The following KCTD16 variants were observed in gnomAD, a reference collection of about 807,000 sequenced individuals.
KCTD16 encodes the protein BTB/POZ domain-containing protein KCTD16.
Under a neutral mutation model 33.2 loss-of-function variants are expected in KCTD16, and 13 were observed. The observed-to-expected ratio is 0.39, with a 90% CI of 0.25 to 0.62. The LOEUF is 0.62. Among genes scored for constraint, KCTD16 ranks in the 20% least tolerant of loss-of-function variants. The pLI, the probability that KCTD16 is intolerant of heterozygous loss-of-function variation, is 0.50. For missense variants in KCTD16, 441 were observed against 525.1 expected (o/e 0.84, Z 1.57); for synonymous variants, 197 against 195.3 (o/e 1.01, Z -0.07).
intron 3 of KCTD16, among the ~76,000 whole-genome samples, chr5:144,209,146 CAT>C (rs1017278194): frequency 1.4e-4 from 21 of 152,154 alleles, no homozygotes; most frequent in Admixed American, 1.4e-3. Flanking sequence ...TATTTGAAAA[CAT>C]AGCATCGTAA....
intron 2 of KCTD16, among the ~76,000 whole-genome samples, chr5:144,182,270 G>C (rs1034894385): frequency 6.6e-6 from 1 of 152,078 alleles, no homozygotes; most frequent in African/African-American, 2.4e-5. Context: ...CTCTTGCCAG[G>C]TGCCAGCACC....
intron 2 of KCTD16, among the ~76,000 whole-genome samples, chr5:144,186,790 G>T (rs79741289): frequency 6.6e-6 from 1 of 152,308 alleles, no homozygotes; most frequent in East Asian, 1.9e-4. Flanking sequence ...CATTAGCTGT[G>T]TAGCTTTTCT....
At chr5:144,237,391 C>T (rs147869665) in intron 3 of KCTD16, among the ~76,000 whole-genome samples, 1 of 152,038 alleles carries the variant, frequency 6.6e-6, no homozygotes, top group Non-Finnish European at 1.5e-5. Context: ...GGATTTAAAC[C>T]TATGTTTATC....
intron 2 of KCTD16, among the ~76,000 whole-genome samples, chr5:144,176,602 C>A (rs1752513727): frequency 6.6e-6 from 1 of 151,032 alleles, no homozygotes. Context: ...CGGGGTTTCA[C>A]CTTGTTAGCC....
At chr5:144,192,151 T>C (rs1752854715) in intron 2 of KCTD16, among the ~76,000 whole-genome samples, 1 of 152,132 alleles carries the variant, frequency 6.6e-6, no homozygotes, top group South Asian at 2.1e-4. Flanking sequence ...TTGAGGATGC[T>C]GGGTAAGTGA....
Position 144,194,659 on chromosome 5 carries a change from C to A in KCTD16, c.-326-11730C>A, listed in dbSNP as rs76293702. ...TTTAACATGCATTATTTATTTAGTT[C>A]TCACAAAACTCTGTATGGGAAGTAC... is the stretch of plus-strand genomic sequence containing the variant. On this transcript the variant is annotated intron_variant, in intron 2 of 3. Transcript: ENST00000512467. Among the ~76,000 whole-genome samples, 511 of 152,292 alleles carry A rather than the reference C, an allele frequency of 3.4e-3. 4 individuals carry two copies. Among genetic ancestry groups the A allele is most frequent in the African/African-American group, 0.012 (495 of 41,568 alleles).
At chr5:144,334,467 A>T (rs544405569) in intron 3 of KCTD16, among the ~76,000 whole-genome samples, 6 of 152,314 alleles carry the variant, frequency 3.9e-5, no homozygotes, top group African/African-American at 1.4e-4. Flanking sequence ...AAGGTATACA[A>T]TTCTAAACCA....
At chr5:144,235,843 C>T (rs1229413810) in intron 3 of KCTD16, among the ~76,000 whole-genome samples, 1 of 152,072 alleles carries the variant, frequency 6.6e-6, no homozygotes, top group Non-Finnish European at 1.5e-5. Context: ...GGGCACAAAA[C>T]CCACCAAAAT....
At chr5:144,348,938 A>G (rs1253213922) in intron 3 of KCTD16, among the ~76,000 whole-genome samples, 1 of 152,130 alleles carries the variant, frequency 6.6e-6, no homozygotes, top group Non-Finnish European at 1.5e-5. Flanking sequence ...GAGTAGGTTC[A>G]GGGGGCTAAA....
chr5:144,220,841 T>A (rs1016077998), intron 3 of KCTD16, among the ~76,000 whole-genome samples: 3 of 151,096 alleles, frequency 2.0e-5, no homozygotes, highest in Non-Finnish European at 4.4e-5. Context: ...CCTGGGAGGC[T>A]GAGGCAGGAG....
chr5:144,483,112 C>T lies in KCTD16; in HGVS notation c.*8998C>T, dbSNP rs1754737559. ...CCAAACCATTTGTTGGAATTTCAAA[C>T]TACATGTTTTCACACTTCTTCATTC... On this transcript the variant is annotated 3_prime_UTR_variant, in exon 4 of 4. Transcript: ENST00000512467. 1 of 146,538 alleles carries T rather than the reference C, an allele frequency of 6.8e-6. No homozygotes were observed. Among genetic ancestry groups the T allele is most frequent in the Non-Finnish European group, 1.5e-5 (1 of 66,986 alleles). 9.1% of individuals were successfully genotyped at this position (146,538 alleles called of 1,614,324 possible).
At position 144,207,237 on chromosome 5, in the gene KCTD16, A is replaced by G. The variant is rs747584875; in HGVS notation, c.523A>G (p.Thr175Ala). ...TACTGTGGGTTACAGAGGATCCTGC[A>G]CCTTGGGCAGAGAGGGACAGGCAGA... ...FITVGYRGSC[T>A]LGREGQADAK... The change falls in exon 3 of 4, where the codon ACC becomes GCC. Residue 175 changes from threonine (T) to alanine (A), a missense_variant. Around this residue, in one of 3 missense-constraint regions of KCTD16, gnomAD observed 355 missense variants for 413.0 expected, o/e 0.86. Transcript: ENST00000512467. The G allele has an allele frequency of 7.4e-6, 12 of 1,614,010 alleles. No individual in the cohort carries two copies. In the South Asian group the frequency reaches 1.2e-4, roughly 16 times the overall value.
intron 3 of KCTD16, among the ~76,000 whole-genome samples, chr5:144,342,940 T>C (rs1382481850): frequency 2.0e-5 from 3 of 152,224 alleles, no homozygotes; most frequent in Non-Finnish European, 2.9e-5. Flanking sequence ...CACTTGATCA[T>C]GGTGGATGAG....
chr5:144,184,828 T>A (rs554690740), intron 2 of KCTD16, among the ~76,000 whole-genome samples: 2 of 152,338 alleles, frequency 1.3e-5, no homozygotes, highest in African/African-American at 4.8e-5. Flanking sequence ...TGGAGTAATG[T>A]CTATTCAAGC....
chr5:144,368,376 G>A (rs1012698292), intron 3 of KCTD16, among the ~76,000 whole-genome samples: 1 of 152,052 alleles, frequency 6.6e-6, no homozygotes, highest in Non-Finnish European at 1.5e-5. Flanking sequence ...AATATGAAGG[G>A]TGAGAAGGAC....
rs1167385364 is a variant in KCTD16, at chr5:144,273,970, T to G, written c.832+66424T>G. 2.0e-5 allele frequency among the ~76,000 whole-genome samples: 3 copies of G among 150,202 alleles called. No homozygotes were observed. In the East Asian group the frequency reaches 5.8e-4, roughly 29 times the overall value. On this transcript the variant is annotated intron_variant, in intron 3 of 3. Coordinates refer to ENST00000512467, the MANE Select transcript of KCTD16 (RefSeq NM_020768.4). ...GTGTATTAAAATATACGTAACATATTATATTAAAATATAATAATATTTTTA... is the reference window on the plus strand; with the variant it reads ...GTGTATTAAAATATACGTAACATATGATATTAAAATATAATAATATTTTTA...
At chr5:144,282,157 T>C (rs1755625217) in intron 3 of KCTD16, among the ~76,000 whole-genome samples, 1 of 152,118 alleles carries the variant, frequency 6.6e-6, no homozygotes, top group African/African-American at 2.4e-5. Context: ...CCTCCCAACC[T>C]CTAGGAAGTA....
chr5:144,309,865 G>C (rs950902318), intron 3 of KCTD16, among the ~76,000 whole-genome samples: 1 of 152,002 alleles, frequency 6.6e-6, no homozygotes, highest in South Asian at 2.1e-4. Flanking sequence ...GAAGCAGAAG[G>C]GTGGGTGGGG....
intron 3 of KCTD16, chr5:144,384,239 A>G (rs1391487028): frequency 6.6e-6 from 1 of 152,186 alleles, no homozygotes; most frequent in Non-Finnish European, 1.5e-5. Context: ...GGTTGCCATC[A>G]TTTCCTTGTA....
Sources: allele counts gnomAD v4.1 joint callset (sites outside exome capture counted in the v4.1 genomes callset), GRCh38; gene constraint gnomAD v4.1.1; regional missense constraint gnomAD v4.1.1; transcripts MANE v1.5; gene names NCBI Gene and HGNC (gene_info 2026-07-23, HGNC 2026-07-21).